Variants in DIP2C observed in about 807,000 individuals in gnomAD.
The protein encoded by DIP2C is DIP2 acetate--CoA ligase C (putative).
In DIP2C, 33 loss-of-function variants were observed where a neutral mutation model predicts 192.4. The observed-to-expected ratio is 0.17, with a 90% CI of 0.13 to 0.23. The LOEUF (loss-of-function observed/expected upper bound fraction) is 0.23. DIP2C is among the 10% of genes least tolerant of loss of function. The probability of loss-of-function intolerance (pLI) is 1.00; values close to 1 mark genes in which losing one functional copy is unlikely to be tolerated. For synonymous variants in DIP2C, 979 were observed against 864.1 expected (o/e 1.13, Z -2.33); for missense variants, 1,537 against 2,110.1 (o/e 0.73, Z 5.32).
chr10:618,669 C>T (rs1034928114), intron 1 of DIP2C, among the ~76,000 whole-genome samples: 7 of 152,240 alleles, frequency 4.6e-5, no homozygotes, highest in Non-Finnish European at 8.8e-5. Context: ...AAAAGACTAT[C>T]ACTCAGCTAC....
intron 1 of DIP2C, among the ~76,000 whole-genome samples, chr10:586,323 A>G (rs567692989): frequency 1.3e-5 from 2 of 152,188 alleles, no homozygotes; most frequent in Non-Finnish European, 2.9e-5. Context: ...GCAGGAATGC[A>G]TATCGGACAC....
rs1339962302 is a variant in DIP2C, at chr10:651,186, C to T, written c.85+38308G>A. 7.0e-6 allele frequency: 5 copies of T among 717,394 alleles called. No individual in the cohort carries two copies. Among genetic ancestry groups the T allele is most frequent in the Admixed American group, 2.0e-5 (1 of 50,004 alleles). 44.4% of individuals were successfully genotyped at this position (717,394 alleles called of 1,614,324 possible). Reference sequence around the variant, plus strand: ...CCTGCCCAGGTCTGGGACCACCGTCCTCCACGCATATCTACAGACCCTGTC... The same window carrying T: ...CCTGCCCAGGTCTGGGACCACCGTCTTCCACGCATATCTACAGACCCTGTC... On this transcript the variant is annotated intron_variant, in intron 1 of 36. Transcript: ENST00000280886. The surrounding 1 kb of genome is among the most constrained non-coding windows in gnomAD (Gnocchi z 4.1).
chr10:568,253 G>C (rs1411106548), intron 1 of DIP2C, among the ~76,000 whole-genome samples: 4 of 152,212 alleles, frequency 2.6e-5, no homozygotes, highest in Non-Finnish European at 5.9e-5. Flanking sequence ...CCCGTGCAGG[G>C]AGGGGATGGA....
At chr10:533,489 A>C (rs1217211617) in intron 1 of DIP2C, among the ~76,000 whole-genome samples, 1 of 152,090 alleles carries the variant, frequency 6.6e-6, no homozygotes, top group Non-Finnish European at 1.5e-5. Flanking sequence ...ATTCTTCTAA[A>C]TAGGTTAGAT....
At chr10:311,895 C>T (rs964745654) in intron 31 of DIP2C, among the ~76,000 whole-genome samples, 1 of 152,142 alleles carries the variant, frequency 6.6e-6, no homozygotes, top group Non-Finnish European at 1.5e-5. Flanking sequence ...GGTGGCACTG[C>T]ACCGTGTCAC....
chr10:559,290 C>T (rs1445592732), intron 1 of DIP2C, among the ~76,000 whole-genome samples: 2 of 149,038 alleles, frequency 1.3e-5, no homozygotes, highest in South Asian at 2.2e-4. Flanking sequence ...GGACAAGCCT[C>T]GGCCTGGAAC....
chr10:661,949 C>G, intron 1 of DIP2C: 1 of 695,690 alleles, frequency 1.4e-6, no homozygotes, highest in Non-Finnish European at 2.6e-6. Flanking sequence ...CCCTCTTCCC[C>G]TCCTGACCCA....
intron 1 of DIP2C, among the ~76,000 whole-genome samples, chr10:569,968 C>A (rs1849683499): frequency 6.6e-6 from 1 of 152,202 alleles, no homozygotes; most frequent in Non-Finnish European, 1.5e-5. Context: ...CTCAGCCTTC[C>A]CCCATGTTTT....
chr10:407,233 C>A (rs1964870546), intron 9 of DIP2C, among the ~76,000 whole-genome samples: 1 of 152,198 alleles, frequency 6.6e-6, no homozygotes, highest in South Asian at 2.1e-4. Flanking sequence ...CACGCAATAC[C>A]TGTTTTGTGT....
intron 3 of DIP2C, 109 bp downstream of exon 3, chr10:472,330 C>T: frequency 2.1e-6 from 2 of 961,528 alleles, no homozygotes; most frequent in Non-Finnish European, 1.6e-6. Context: ...CCCTCGCGTG[C>T]TGCAGGTCCA....
At chr10:512,208 T>C (rs967042246) in intron 1 of DIP2C, among the ~76,000 whole-genome samples, 6 of 152,204 alleles carry the variant, frequency 3.9e-5, no homozygotes, top group African/African-American at 2.4e-5. Context: ...CATATTATTA[T>C]GGAAAATTAA....
intron 1 of DIP2C, among the ~76,000 whole-genome samples, chr10:680,121 G>A (rs543923777): frequency 1.0e-3 from 154 of 152,314 alleles, no homozygotes; most frequent in Non-Finnish European, 1.9e-3. Context: ...GGAGGCTCCT[G>A]AGCAGGCAGG....
At chr10:591,732 C>T (rs1189153390) in intron 1 of DIP2C, among the ~76,000 whole-genome samples, 1 of 152,086 alleles carries the variant, frequency 6.6e-6, no homozygotes, top group Non-Finnish European at 1.5e-5. Context: ...CCAAGGTAAC[C>T]GAGACTCCAA....
At chr10:432,668 T>A (rs943309885) in intron 4 of DIP2C, among the ~76,000 whole-genome samples, 2 of 152,222 alleles carry the variant, frequency 1.3e-5, no homozygotes, top group African/African-American at 4.8e-5. Flanking sequence ...TGTTGATTTC[T>A]GCTCTTTCAT....
intron 22 of DIP2C, among the ~76,000 whole-genome samples, chr10:361,149 C>T (rs965059835): frequency 4.6e-5 from 7 of 152,204 alleles, no homozygotes; most frequent in Non-Finnish European, 7.3e-5. Flanking sequence ...TTAGCAAAAA[C>T]AGATGAGACA....
chr10:656,197 G>T, intron 1 of DIP2C, among the ~76,000 whole-genome samples: 1 of 152,246 alleles, frequency 6.6e-6, no homozygotes, highest in Admixed American at 6.5e-5. Flanking sequence ...TATACTATTT[G>T]TCCTATTGTA....
At chr10:637,045 C>T (rs1854880626) in intron 1 of DIP2C, among the ~76,000 whole-genome samples, 1 of 152,264 alleles carries the variant, frequency 6.6e-6, no homozygotes, top group Non-Finnish European at 1.5e-5. Context: ...GAGGTGTGAA[C>T]TGCACAGGCG....
At chr10:287,312 G>A (rs897088466) in intron 33 of DIP2C, among the ~76,000 whole-genome samples, 1 of 152,126 alleles carries the variant, frequency 6.6e-6, no homozygotes, top group Non-Finnish European at 1.5e-5. Flanking sequence ...ACTTATATAA[G>A]GAATCAAAGG....
chr10:627,401 C>A (rs565875833), intron 1 of DIP2C, among the ~76,000 whole-genome samples: 1 of 152,202 alleles, frequency 6.6e-6, no homozygotes, highest in Non-Finnish European at 1.5e-5. Context: ...CAGCTGGGTT[C>A]GCTGCTTCCC....
Sources: allele counts gnomAD v4.1 joint callset (sites outside exome capture counted in the v4.1 genomes callset), GRCh38; gene constraint gnomAD v4.1.1; non-coding constraint Gnocchi (gnomAD v3.1); transcripts MANE v1.5; gene names NCBI Gene and HGNC (gene_info 2026-07-23, HGNC 2026-07-21).